The following LAMA2 variants were observed in gnomAD, a reference collection of about 807,000 sequenced individuals.
LAMA2 encodes the protein laminin subunit alpha 2.
LAMA2 carries 269 observed loss-of-function variants against 364.8 expected under a neutral mutation model. The observed-to-expected ratio is 0.74, with a 90% CI of 0.67 to 0.82. The LOEUF is 0.82. Among genes scored for constraint, LAMA2 ranks in the 40% least tolerant of loss-of-function variants. The pLI, the probability that LAMA2 is intolerant of heterozygous loss-of-function variation, is 0.00. For missense variants in LAMA2, 3,807 were observed against 3,873.2 expected (o/e 0.98, Z 0.45); for synonymous variants, 1,379 against 1,370.6 (o/e 1.01, Z -0.14).
intron 1 of LAMA2, among the ~76,000 whole-genome samples, chr6:128,911,784 C>G (rs887174158): frequency 1.3e-5 from 2 of 152,206 alleles, no homozygotes; most frequent in Admixed American, 1.3e-4. Context: ...TAGAACATTT[C>G]TCCTTTCCCA....
chr6:129,334,989 G>T (rs762130375), intron 29 of LAMA2, among the ~76,000 whole-genome samples: 2 of 152,152 alleles, frequency 1.3e-5, no homozygotes, highest in Non-Finnish European at 2.9e-5. Context: ...CCAACATGAT[G>T]ATATTTGGAG....
In LAMA2 at chr6:129,014,420, A is replaced by C. The variant is rs138455075; in HGVS notation, c.113-35498A>C. Among the ~76,000 whole-genome samples, 664 of 152,242 alleles carry C rather than the reference A, an allele frequency of 4.4e-3. 4 individuals are homozygous for C. Among genetic ancestry groups the C allele is most frequent in the African/African-American group, 0.015 (634 of 41,556 alleles). The stretch of plus-strand genomic sequence containing the variant: ...ATAATTGATTATTCATTTGTACACA[A>C]GTATTTGTTGAGTACCAGAAATAGC... On this transcript the variant is annotated intron_variant, in intron 1 of 64. Coordinates refer to ENST00000421865, the MANE Select transcript of LAMA2 (RefSeq NM_000426.4).
chr6:129,009,533 T>C (rs1482615597), intron 1 of LAMA2, among the ~76,000 whole-genome samples: 2 of 152,060 alleles, frequency 1.3e-5, no homozygotes, highest in African/African-American at 2.4e-5. Context: ...ATTAATTAAG[T>C]GTTTGACCTT....
rs141189508 is a variant in LAMA2 at position 129,329,455 on chromosome 6, G to A, written c.4311+1043G>A. Among the ~76,000 whole-genome samples, 87 of 152,136 alleles carry A rather than the reference G, an allele frequency of 5.7e-4. No individual in the cohort carries two copies. In the East Asian group the frequency reaches 0.014, roughly 24 times the overall value. On this transcript the variant is annotated intron_variant, in intron 29 of 64. Coordinates refer to ENST00000421865, the MANE Select transcript of LAMA2 (RefSeq NM_000426.4). ...TGGCTCACTGCAACCTCCGACTCCCGGGTTCAAGTGATTCTCATGCCTCAG... is the reference window on the plus strand; with the variant it reads ...TGGCTCACTGCAACCTCCGACTCCCAGGTTCAAGTGATTCTCATGCCTCAG...
intron 1 of LAMA2, among the ~76,000 whole-genome samples, chr6:128,949,076 A>C (rs1243978244): frequency 2.0e-5 from 3 of 152,206 alleles, no homozygotes; most frequent in Non-Finnish European, 4.4e-5. Context: ...TATTTTTATG[A>C]GTAATAATTA....
chr6:129,148,644 C>T (rs1778621465), intron 6 of LAMA2, among the ~76,000 whole-genome samples: 1 of 151,972 alleles, frequency 6.6e-6, no homozygotes, highest in Non-Finnish European at 1.5e-5. Flanking sequence ...TTGAGGGGAG[C>T]CTTAAAACAA....
At chr6:128,900,023 C>T (rs928955759) in intron 1 of LAMA2, among the ~76,000 whole-genome samples, 1 of 152,016 alleles carries the variant, frequency 6.6e-6, no homozygotes, top group Admixed American at 6.6e-5. Context: ...TTTTAGATAC[C>T]ACCAAAGTCC....
At chr6:129,148,923 T>C in intron 6 of LAMA2, 56 bp from the exon 7 acceptor site, 1 of 1,107,234 alleles carries the variant, frequency 9.0e-7, no homozygotes, top group Non-Finnish European at 1.4e-6. Context: ...GAGAGAGGCT[T>C]CCTTTATGGT....
At chr6:129,090,582 G>A (rs182018304) in intron 3 of LAMA2, among the ~76,000 whole-genome samples, 30 of 152,170 alleles carry the variant, frequency 2.0e-4, no homozygotes, top group Non-Finnish European at 3.8e-4. Flanking sequence ...TTTTTTTGAA[G>A]AAACCACGTT....
At chr6:129,065,618 T>C (rs1474690644) in intron 3 of LAMA2, among the ~76,000 whole-genome samples, 1 of 152,122 alleles carries the variant, frequency 6.6e-6, no homozygotes, top group Non-Finnish European at 1.5e-5. Context: ...AACGAGGAAC[T>C]ATCTTTAAAA....
intron 9 of LAMA2, among the ~76,000 whole-genome samples, chr6:129,172,940 T>C (rs1193824732): frequency 1.1e-4 from 17 of 152,224 alleles, no homozygotes; most frequent in Admixed American, 1.1e-3. Flanking sequence ...ATTTTCCAGG[T>C]GCCGTCCGTC....
intron 29 of LAMA2, among the ~76,000 whole-genome samples, chr6:129,330,763 T>G (rs1775599819): frequency 6.6e-6 from 1 of 152,194 alleles, no homozygotes; most frequent in East Asian, 1.9e-4. Context: ...GATCTTTCAT[T>G]GGTATTACTG....
chr6:129,464,502 T>G (rs973767174), intron 50 of LAMA2, 50 bp downstream of exon 50: 11 of 1,425,218 alleles, frequency 7.7e-6, no homozygotes, highest in Non-Finnish European at 9.9e-6. Flanking sequence ...TGCGTTTGCT[T>G]CTTTTATCAG....
At chr6:129,303,105 T>A (rs1223334862) in intron 22 of LAMA2, among the ~76,000 whole-genome samples, 1 of 152,070 alleles carries the variant, frequency 6.6e-6, no homozygotes, top group Non-Finnish European at 1.5e-5. Context: ...TAACTCTGCA[T>A]TTTTTTAGGT....
At position 129,165,672 on chromosome 6, in the gene LAMA2, C is replaced by T. The variant is rs773209126; in HGVS notation, c.1303C>T (p.Arg435Ter). Residue 435 changes from arginine to a stop codon, truncating the protein, a stop_gained, in exon 9 of 65, where the codon CGA becomes TGA. Transcript: ENST00000421865. LOFTEE classifies it high-confidence loss of function. ...TGTCAAGGATGAGAAACATGCTCGA[C>T]GAGGTGAGAGCTGCAGCAGAATGTC... ...VCVKDEKHARRGLAPGSCHCK... is the reference protein window; with the variant it reads ...VCVKDEKHAR 2.1e-5 allele frequency: 34 copies of T among 1,595,748 alleles called. No homozygotes were observed. Among genetic ancestry groups the T allele is most frequent in the Non-Finnish European group, 2.5e-5 (29 of 1,164,134 alleles).
chr6:129,481,239 A>ACTCTT, intron 54 of LAMA2, 24 bp from the exon 55 acceptor site: 2 of 1,599,606 alleles, frequency 1.3e-6, no homozygotes, highest in Non-Finnish European at 1.7e-6. Context: ...AATGGTTTCT[A>ACTCTT]CTCTTCTTTT....
chr6:129,055,320 T>C (rs1182751291), intron 2 of LAMA2, among the ~76,000 whole-genome samples: 1 of 151,726 alleles, frequency 6.6e-6, no homozygotes, highest in Non-Finnish European at 1.5e-5. Flanking sequence ...GCCTCCTGAG[T>C]AGCTGGGACT....
At chr6:129,225,141 C>G (rs13216843) in intron 12 of LAMA2, among the ~76,000 whole-genome samples, 1 of 152,186 alleles carries the variant, frequency 6.6e-6, no homozygotes. Context: ...ATAGTATTCT[C>G]TGATGGTAGT....
At chr6:129,082,151 C>T (rs1249081178) in intron 3 of LAMA2, among the ~76,000 whole-genome samples, 9 of 152,076 alleles carry the variant, frequency 5.9e-5, no homozygotes, top group African/African-American at 1.9e-4. Flanking sequence ...TATTGGTAAT[C>T]CTTTTTCGTA....
Sources: gnomAD v4.1 joint callset for allele counts (sites outside exome capture counted in the v4.1 genomes callset) on GRCh38, gnomAD v4.1.1 for gene constraint, MANE v1.5 for transcripts, NCBI Gene and HGNC (gene_info 2026-07-23, HGNC 2026-07-21) for gene names.